KCNAB1: variants seen among roughly 807,000 people sequenced by gnomAD.
KCNAB1 encodes voltage-gated potassium channel subunit beta-1.
In KCNAB1, 35 loss-of-function variants were observed where a neutral mutation model predicts 64.6. That is an observed-to-expected ratio of 0.54 (90% CI 0.41 to 0.72). The LOEUF is 0.72. KCNAB1 is among the 30% of genes least tolerant of loss of function. The probability of loss-of-function intolerance (pLI) is 0.00; values close to 1 mark genes in which losing one functional copy is unlikely to be tolerated. For missense variants in KCNAB1, 401 were observed against 512.9 expected, an observed-to-expected ratio of 0.78 and a Z score of 2.11; for synonymous variants, 177 against 183.8, an observed-to-expected ratio of 0.96 and a Z score of 0.30.
chr3:156,356,358 A>C (rs1269177569), intron 1 of KCNAB1, among the ~76,000 whole-genome samples: 1 of 151,894 alleles, frequency 6.6e-6, no homozygotes, highest in African/African-American at 2.4e-5. Context: ...CCAAGGTGAG[A>C]CCACAGAAAA....
intron 1 of KCNAB1, among the ~76,000 whole-genome samples, chr3:156,311,475 G>T (rs529089286): frequency 6.6e-6 from 1 of 152,180 alleles, no homozygotes; most frequent in South Asian, 2.1e-4. Context: ...AGGATAGGTC[G>T]TGGGTGAATG....
At chr3:156,503,757 CTCT>C (rs1033259813) in intron 8 of KCNAB1, among the ~76,000 whole-genome samples, 13 of 152,120 alleles carry the variant, frequency 8.5e-5, no homozygotes, top group African/African-American at 3.1e-4. Flanking sequence ...TTTATTTATT[CTCT>C]TATTATTATT....
chr3:156,321,406 C>G (rs1722652454), intron 1 of KCNAB1, among the ~76,000 whole-genome samples: 1 of 152,160 alleles, frequency 6.6e-6, no homozygotes, highest in Non-Finnish European at 1.5e-5. Context: ...ATCTCTGAGG[C>G]AAATACTCTA....
At chr3:156,171,280 A>T (rs1423751714) in intron 1 of KCNAB1, among the ~76,000 whole-genome samples, 1 of 151,818 alleles carries the variant, frequency 6.6e-6, no homozygotes, top group African/African-American at 2.4e-5. Flanking sequence ...TTGCAGGAAC[A>T]TCCATTGTAA....
At chr3:156,386,738 T>C (rs6441066) in intron 1 of KCNAB1, among the ~76,000 whole-genome samples, 40,352 of 152,104 alleles carry the variant, frequency 0.27, 6,762 homozygotes, top group African/African-American at 0.48. Flanking sequence ...TAAAGTCACC[T>C]CACCTCATCT....
intron 8 of KCNAB1, among the ~76,000 whole-genome samples, chr3:156,512,692 T>C (rs925985485): frequency 6.6e-6 from 1 of 152,264 alleles, no homozygotes; most frequent in Admixed American, 6.5e-5. Context: ...ATTTGTATAA[T>C]GAAAGAGAAG....
intron 1 of KCNAB1, among the ~76,000 whole-genome samples, chr3:156,149,726 A>T (rs1353397182): frequency 2.6e-5 from 4 of 152,202 alleles, no homozygotes; most frequent in Non-Finnish European, 4.4e-5. Context: ...CCCAGGAAAG[A>T]CTATCCCTCT....
chr3:156,469,139 A>G (rs751650984), intron 7 of KCNAB1, among the ~76,000 whole-genome samples: 26 of 152,138 alleles, frequency 1.7e-4, no homozygotes, highest in Non-Finnish European at 3.7e-4. Context: ...AATCGAAGAG[A>G]AAAAGAATGG....
At chr3:156,528,677 G>A (rs1718492378) in intron 12 of KCNAB1, among the ~76,000 whole-genome samples, 1 of 152,288 alleles carries the variant, frequency 6.6e-6, no homozygotes, top group African/African-American at 2.4e-5. Context: ...CAGGCAAAAG[G>A]AACAGCTTGA....
chr3:156,143,787 AT>A (rs1015580220), intron 1 of KCNAB1, among the ~76,000 whole-genome samples: 74 of 145,668 alleles, frequency 5.1e-4, no homozygotes, highest in East Asian at 9.9e-4. Context: ...TAAGAGTAGA[AT>A]TTTTTTTTTT....
chr3:156,456,750 A>G (rs748281440), intron 3 of KCNAB1, among the ~76,000 whole-genome samples: 1 of 152,336 alleles, frequency 6.6e-6, no homozygotes, highest in Non-Finnish European at 1.5e-5. Flanking sequence ...GTTTATGGCT[A>G]TCCCTCTCTG....
intron 1 of KCNAB1, among the ~76,000 whole-genome samples, chr3:156,188,213 T>G (rs192280186): frequency 0.02 from 2,837 of 141,970 alleles, 43 homozygotes; most frequent in Middle Eastern, 0.055. Context: ...CCCTGTGGGG[T>G]TTTTTTTTTT....
chr3:156,227,819 T>G (rs1015660041), intron 1 of KCNAB1: 6 of 152,368 alleles, frequency 3.9e-5, no homozygotes, highest in African/African-American at 1.4e-4. Flanking sequence ...AGGCAAACTG[T>G]GCTTAAGGAG....
intron 1 of KCNAB1, among the ~76,000 whole-genome samples, chr3:156,171,601 C>A (rs1373002694): frequency 6.6e-6 from 1 of 152,060 alleles, no homozygotes; most frequent in Non-Finnish European, 1.5e-5. Flanking sequence ...GAAGACAGTT[C>A]TTCATATTTA....
chr3:156,306,013 C>T (rs976204750), intron 1 of KCNAB1, among the ~76,000 whole-genome samples: 1 of 152,162 alleles, frequency 6.6e-6, no homozygotes, highest in Non-Finnish European at 1.5e-5. Flanking sequence ...GCAATGGAAG[C>T]AACATGGCTT....
At chr3:156,422,276 G>A (rs1441970554) in intron 2 of KCNAB1, among the ~76,000 whole-genome samples, 1 of 152,232 alleles carries the variant, frequency 6.6e-6, no homozygotes, top group Non-Finnish European at 1.5e-5. Context: ...GACTTGGGGA[G>A]GCTTGAGGCC....
chr3:156,255,977 C>T (rs140382427), intron 1 of KCNAB1, among the ~76,000 whole-genome samples: 14 of 152,166 alleles, frequency 9.2e-5, no homozygotes, highest in South Asian at 8.3e-4. Flanking sequence ...CCTGGAGCAG[C>T]GCCCAGAGTG....
At chr3:156,497,124 T>C (rs1716062613) in intron 8 of KCNAB1, among the ~76,000 whole-genome samples, 1 of 152,216 alleles carries the variant, frequency 6.6e-6, no homozygotes, top group Non-Finnish European at 1.5e-5. Flanking sequence ...ACATACCAAG[T>C]TTTAAACTTA....
intron 1 of KCNAB1, among the ~76,000 whole-genome samples, chr3:156,206,531 G>T (rs1001091732): frequency 1.3e-5 from 2 of 152,144 alleles, no homozygotes. Flanking sequence ...CCCCAAATCA[G>T]GGCAAGGCTA....
Sources: allele counts gnomAD v4.1 joint callset (sites outside exome capture counted in the v4.1 genomes callset), GRCh38; gene constraint gnomAD v4.1.1; transcripts MANE v1.5; gene names NCBI Gene and HGNC (gene_info 2026-07-23, HGNC 2026-07-21).